Variants in LDLRAD4 observed in about 807,000 individuals in gnomAD.
LDLRAD4 encodes low density lipoprotein receptor class A domain containing 4.
LDLRAD4 carries 5 observed loss-of-function variants against 17.0 expected under a neutral mutation model. That is an observed-to-expected ratio of 0.29 (90% CI 0.15 to 0.62). LDLRAD4 has a LOEUF of 0.62. Ranked by LOEUF, LDLRAD4 falls within the 20% of genes least tolerant of loss-of-function variation. The pLI is 0.84. For synonymous variants in LDLRAD4, 168 were observed against 171.8 expected (o/e 0.98, Z 0.17); for missense variants, 340 against 424.7 (o/e 0.80, Z 1.75).
chr18:13,441,845 C>T (rs2091042839), intron 3 of LDLRAD4, among the ~76,000 whole-genome samples: 1 of 152,202 alleles, frequency 6.6e-6, no homozygotes, highest in Non-Finnish European at 1.5e-5. Flanking sequence ...TTTTGCCTCT[C>T]CTCACCATGG....
At chr18:13,349,635 C>G (rs2082922651) in intron 1 of LDLRAD4, among the ~76,000 whole-genome samples, 1 of 151,982 alleles carries the variant, frequency 6.6e-6, no homozygotes, top group Non-Finnish European at 1.5e-5. Flanking sequence ...TTTAAATTTA[C>G]TTTAAGTTCT....
rs867406835 is a variant in LDLRAD4, at chr18:13,440,093, G to A, written c.181+1709G>A. Among the ~76,000 whole-genome samples the A allele has an allele frequency of 2.0e-5, 3 of 152,232 alleles. No individual in the cohort carries two copies. The highest frequency in any genetic ancestry group is 2.1e-4 in the South Asian group (1 of 4,816). ...ACTTGACTAACAGCAGACACACCAC[G>A]GTAAGCTGTGTAGAGAATATCAGGA... On this transcript the variant is annotated intron_variant, in intron 3 of 5. Coordinates refer to ENST00000359446, the Ensembl canonical transcript of LDLRAD4. The surrounding 1 kb of genome is among the most constrained non-coding windows in gnomAD (Gnocchi z 4.4).
chr18:13,318,586 T>C (rs1487914952), intron 1 of LDLRAD4, among the ~76,000 whole-genome samples: 1 of 152,222 alleles, frequency 6.6e-6, no homozygotes, highest in Non-Finnish European at 1.5e-5. Context: ...TGCCCATCCA[T>C]AAGACTAAAA....
At chr18:13,285,932 G>T (rs2045596291) in intron 1 of LDLRAD4, among the ~76,000 whole-genome samples, 1 of 152,110 alleles carries the variant, frequency 6.6e-6, no homozygotes, top group Non-Finnish European at 1.5e-5. Context: ...AATGTAAAAT[G>T]GTTCAGTTGC....
At chr18:13,469,287 A>C (rs1160642607) in intron 3 of LDLRAD4, among the ~76,000 whole-genome samples, 1 of 152,224 alleles carries the variant, frequency 6.6e-6, no homozygotes, top group East Asian at 1.9e-4. Flanking sequence ...TACTGATAGG[A>C]GTTTACAACG....
chr18:13,538,565 C>G (rs2094231717), intron 3 of LDLRAD4, among the ~76,000 whole-genome samples: 1 of 150,764 alleles, frequency 6.6e-6, no homozygotes, highest in Non-Finnish European at 1.5e-5. Context: ...CTCAGTCTTG[C>G]CCAGGCTGGA....
chr18:13,317,609 T>C (rs909056413), intron 1 of LDLRAD4, among the ~76,000 whole-genome samples: 2 of 152,252 alleles, frequency 1.3e-5, no homozygotes, highest in African/African-American at 4.8e-5. Context: ...CCTTACAGTA[T>C]TGTTGAAGTG....
chr18:13,561,978 CA>C (rs1447792093), intron 3 of LDLRAD4: 1 of 152,162 alleles, frequency 6.6e-6, no homozygotes, highest in Non-Finnish European at 1.5e-5. Context: ...CTAGCATATC[CA>C]ATAACAATTA....
At chr18:13,330,268 C>T (rs2081783919) in intron 1 of LDLRAD4, among the ~76,000 whole-genome samples, 1 of 152,098 alleles carries the variant, frequency 6.6e-6, no homozygotes, top group East Asian at 1.9e-4. Context: ...GGCCTCCCCT[C>T]CAGTTTTTTT....
At chr18:13,301,095 C>T (rs1048544560) in intron 1 of LDLRAD4, among the ~76,000 whole-genome samples, 3 of 151,922 alleles carry the variant, frequency 2.0e-5, no homozygotes, top group African/African-American at 7.3e-5. Context: ...TGGGGGGGTA[C>T]AGGTGTTGGG....
chr18:13,447,856 G>A (rs1366778227), intron 3 of LDLRAD4, among the ~76,000 whole-genome samples: 1 of 152,192 alleles, frequency 6.6e-6, no homozygotes, highest in Non-Finnish European at 1.5e-5. Flanking sequence ...CTCTCTGCCT[G>A]AGCGAAGCCC....
chr18:13,259,916 G>A (rs564452152), intron 1 of LDLRAD4, among the ~76,000 whole-genome samples: 7 of 152,364 alleles, frequency 4.6e-5, no homozygotes. Context: ...GGAGGGGAAC[G>A]TGTGGTTTGG....
intron 4 of LDLRAD4, among the ~76,000 whole-genome samples, chr18:13,624,502 C>G (rs2040940711): frequency 6.6e-6 from 1 of 152,264 alleles, no homozygotes; most frequent in South Asian, 2.1e-4. Context: ...CAAGACCCCG[C>G]TGCCATTCTC....
intron 3 of LDLRAD4, chr18:13,620,732 G>T: frequency 8.3e-6 from 2 of 241,864 alleles, no homozygotes; most frequent in African/African-American, 2.2e-5. Context: ...GGAGGCAAGG[G>T]GCTGAAGTTG....
intron 3 of LDLRAD4, among the ~76,000 whole-genome samples, chr18:13,482,768 G>A (rs896122954): frequency 1.3e-5 from 2 of 152,216 alleles, no homozygotes; most frequent in Non-Finnish European, 2.9e-5. Flanking sequence ...GTGAGGGGTG[G>A]AAGTGCACTG....
chr18:13,472,919 C>G (rs1456500940), intron 3 of LDLRAD4, among the ~76,000 whole-genome samples: 1 of 152,178 alleles, frequency 6.6e-6, no homozygotes, highest in Non-Finnish European at 1.5e-5. Context: ...TTATGTCTGT[C>G]TTTTGCAAAC....
At chr18:13,549,911 C>CT (rs141765780) in intron 3 of LDLRAD4, among the ~76,000 whole-genome samples, 2,059 of 152,244 alleles carry the variant, frequency 0.014, 57 homozygotes, top group African/African-American at 0.047. Flanking sequence ...GCCAGGGAAA[C>CT]TTGGGCAAGA....
At chr18:13,471,261 CTGTGTGT>C (rs2146755394) in intron 3 of LDLRAD4, 1 of 152,362 alleles carries the variant, frequency 6.6e-6, no homozygotes, top group African/African-American at 2.4e-5. Flanking sequence ...CTGGCTGAGG[CTGTGTGT>C]AGATCACAGC....
intron 1 of LDLRAD4, among the ~76,000 whole-genome samples, chr18:13,231,980 C>T (rs906611310): frequency 1.3e-5 from 2 of 152,206 alleles, no homozygotes; most frequent in Non-Finnish European, 2.9e-5. Context: ...GGGATGGCAG[C>T]TTGGTGGCTG....
Sources: allele counts gnomAD v4.1 joint callset (sites outside exome capture counted in the v4.1 genomes callset), GRCh38; gene constraint gnomAD v4.1.1; non-coding constraint Gnocchi (gnomAD v3.1); transcripts MANE v1.5; gene names NCBI Gene and HGNC (gene_info 2026-07-23, HGNC 2026-07-21).